SAMD12: variants seen among roughly 807,000 people sequenced by gnomAD.
SAMD12 encodes sterile alpha motif domain-containing protein 12.
Under a neutral mutation model 15.0 loss-of-function variants are expected in SAMD12, and 9 were observed. That is an observed-to-expected ratio of 0.60 (90% confidence interval 0.36 to 1.05). The LOEUF (loss-of-function observed/expected upper bound fraction) is 1.05, where lower values mean the gene tolerates loss of function less well. Ranked by LOEUF, SAMD12 falls within the 50% of genes least tolerant of loss-of-function variation. SAMD12 has a pLI of 0.01. For synonymous variants in SAMD12, 86 were observed against 90.1 expected (o/e 0.96, Z 0.25); for missense variants, 230 against 234.2 (o/e 0.98, Z 0.12).
chr8:118,285,866 T>G (rs1813958370), intron 4 of SAMD12, among the ~76,000 whole-genome samples: 1 of 152,154 alleles, frequency 6.6e-6, no homozygotes, highest in African/African-American at 2.4e-5. Context: ...CTTTGATACT[T>G]AGAGAAAGAC....
At chr8:118,386,262 A>C (rs1039248220) in intron 3 of SAMD12, among the ~76,000 whole-genome samples, 21 of 152,190 alleles carry the variant, frequency 1.4e-4, no homozygotes, top group Admixed American at 1.2e-3. Context: ...GTAGGACACG[A>C]AACATTCTCT....
intron 4 of SAMD12, among the ~76,000 whole-genome samples, chr8:118,224,785 G>A (rs914192205): frequency 6.6e-6 from 1 of 152,174 alleles, no homozygotes; most frequent in African/African-American, 2.4e-5. Context: ...TAACAGATGT[G>A]ACTTTTTCTG....
chr8:118,512,595 C>T (rs1373722691), intron 2 of SAMD12, among the ~76,000 whole-genome samples: 2 of 152,148 alleles, frequency 1.3e-5, no homozygotes, highest in Non-Finnish European at 2.9e-5. Context: ...CCATTTTAGT[C>T]CTTAAATCCT....
chr8:118,599,448 T>C (rs571498357), intron 1 of SAMD12, among the ~76,000 whole-genome samples: 1 of 152,272 alleles, frequency 6.6e-6, no homozygotes, highest in East Asian at 1.9e-4. Flanking sequence ...AACAAGACCA[T>C]GGCATGCAGC....
At chr8:118,563,817 CCTCTATTATCT>C in intron 2 of SAMD12, among the ~76,000 whole-genome samples, 1 of 152,206 alleles carries the variant, frequency 6.6e-6, no homozygotes, top group East Asian at 1.9e-4. Flanking sequence ...ATTTCTTTTC[CCTCTATTATCT>C]GTGAGTTTTG....
chr8:118,606,574 T>C (rs201483732), intron 1 of SAMD12, among the ~76,000 whole-genome samples: 3 of 150,946 alleles, frequency 2.0e-5, no homozygotes, highest in African/African-American at 7.4e-5. Context: ...TGAGTTTCAA[T>C]TTAAAAAAAA....
the SAMD12 span, among the ~76,000 whole-genome samples, chr8:118,132,253 T>C: frequency 2.0e-5 from 3 of 152,204 alleles, no homozygotes; most frequent in Non-Finnish European, 4.4e-5. Context: ...ATATATACAT[T>C]ATGAAGATAT....
At chr8:118,211,595 A>G (rs756440634) in intron 4 of SAMD12, among the ~76,000 whole-genome samples, 7 of 152,224 alleles carry the variant, frequency 4.6e-5, no homozygotes, top group Non-Finnish European at 8.8e-5. Context: ...GAGTTGGAAA[A>G]TATTTCTTAT....
intron 2 of SAMD12, among the ~76,000 whole-genome samples, chr8:118,554,432 A>G (rs933824518): frequency 1.3e-5 from 2 of 151,732 alleles, no homozygotes; most frequent in African/African-American, 4.8e-5. Flanking sequence ...CTATCGCAAG[A>G]ACAAAAAACC....
Position 118,378,820 on chromosome 8 carries a change from C to A in SAMD12, c.*597G>T, listed in dbSNP as rs193166161. On this transcript the variant is annotated 3_prime_UTR_variant, in exon 4 of 4. Coordinates refer to ENST00000314727, the MANE Select transcript of SAMD12 (RefSeq NM_207506.3). ...ATATAGTGTAACTTAAGGCTTTCTTCGAATTCTAGCTTTATTTTGTCACTT... is the reference window on the plus strand; with the variant it reads ...ATATAGTGTAACTTAAGGCTTTCTTAGAATTCTAGCTTTATTTTGTCACTT... 4.1e-4 allele frequency: 408 copies of A among 985,316 alleles called. 2 individuals carry two copies. The African/African-American group carries it at 6.3e-3, about 15-fold the overall frequency. The allele number at this position is 985,316 out of a possible 1,614,324, so 61.0% of individuals were successfully genotyped here. A position where few individuals can be genotyped will look rare whatever the true frequency, so the allele number is the denominator to read the frequency against.
chr8:118,441,289 CTTCT>C lies in SAMD12; in HGVS notation c.193-1332_193-1329del, dbSNP rs556962494. Reference sequence around the variant, plus strand: ...TAAATTTTATTTTCTGTGGCAATATCTTCTTTGTTTTTTAAACAAATTTGAGTTT... The same window carrying C: ...TAAATTTTATTTTCTGTGGCAATATCTTGTTTTTTAAACAAATTTGAGTTT... On this transcript the variant is annotated intron_variant, in intron 2 of 3. Coordinates refer to ENST00000314727, the MANE Select transcript of SAMD12 (RefSeq NM_207506.3). 3.8e-3 allele frequency among the ~76,000 whole-genome samples: 572 copies of C among 152,198 alleles called. 4 individuals are homozygous for C. The highest frequency in any genetic ancestry group is 0.027 in the Middle Eastern group (8 of 294).
chr8:118,206,444 A>G (rs1487503886), intron 4 of SAMD12, among the ~76,000 whole-genome samples: 5 of 152,202 alleles, frequency 3.3e-5, no homozygotes, highest in Non-Finnish European at 7.3e-5. Context: ...AGGAGAAGCT[A>G]TTCAACCCAG....
chr8:118,297,734 T>C (rs1166865468), intron 4 of SAMD12, among the ~76,000 whole-genome samples: 2 of 152,338 alleles, frequency 1.3e-5, no homozygotes, highest in African/African-American at 2.4e-5. Context: ...TTATAGAATA[T>C]GGATTCTCTA....
chr8:118,306,426 T>C (rs1052395824), intron 4 of SAMD12, among the ~76,000 whole-genome samples: 2 of 152,222 alleles, frequency 1.3e-5, no homozygotes, highest in Non-Finnish European at 2.9e-5. Flanking sequence ...GCTGGATGGA[T>C]GACTCTAAAC....
At chr8:118,164,564 A>AT in the SAMD12 span, among the ~76,000 whole-genome samples, 1 of 151,488 alleles carries the variant, frequency 6.6e-6, no homozygotes, top group East Asian at 1.9e-4. Context: ...TTTTATTTTT[A>AT]TTTTTTGCTA....
In SAMD12 at chr8:118,258,999, T is replaced by C. The variant is rs184850302; in HGVS notation, c.434-61267A>G. On this transcript the variant is annotated intron_variant, in intron 4 of 4. Transcript: ENST00000409003. ...TTCTATGAAAAGCTGGCTGACCACT[T>C]TAAAAATCCTCAGCAGACTAGAAAT... Among the ~76,000 whole-genome samples the C allele has an allele frequency of 9.3e-4, 141 of 152,192 alleles. 1 individual carries two copies. The highest frequency in any genetic ancestry group is 3.3e-3 in the African/African-American group (138 of 41,536).
At chr8:118,583,171 T>C (rs556079713) in intron 1 of SAMD12, among the ~76,000 whole-genome samples, 45 of 152,284 alleles carry the variant, frequency 3.0e-4, no homozygotes, top group African/African-American at 1.1e-3. Flanking sequence ...CTCAGGTCAA[T>C]TCCCCAAACC....
intron 2 of SAMD12, among the ~76,000 whole-genome samples, chr8:118,533,976 C>G (rs1371992809): frequency 1.3e-5 from 2 of 152,156 alleles, no homozygotes; most frequent in Admixed American, 1.3e-4. Flanking sequence ...TGAATTTGAT[C>G]CTGTCGTTAT....
At chr8:118,272,082 G>A (rs1023425493) in intron 4 of SAMD12, among the ~76,000 whole-genome samples, 1 of 152,248 alleles carries the variant, frequency 6.6e-6, no homozygotes, top group African/African-American at 2.4e-5. Flanking sequence ...TGCCCTAGCA[G>A]AGATTCTGTA....
Sources: gnomAD v4.1 joint callset for allele counts (sites outside exome capture counted in the v4.1 genomes callset) on GRCh38, gnomAD v4.1.1 for gene constraint, MANE v1.5 for transcripts, NCBI Gene and HGNC (gene_info 2026-07-23, HGNC 2026-07-21) for gene names.